The following BCAS3 variants were observed in gnomAD, a reference collection of about 807,000 sequenced individuals.
The protein encoded by BCAS3 is BCAS4/BCAS3 fusion.
In BCAS3, 53 loss-of-function variants were observed where a neutral mutation model predicts 116.1. The observed-to-expected ratio is 0.46, with a 90% CI of 0.37 to 0.57. BCAS3 has a LOEUF of 0.57. Among genes scored for constraint, BCAS3 ranks in the 20% least tolerant of loss-of-function variants. The pLI is 0.00. For synonymous variants in BCAS3, 391 were observed against 408.2 expected (o/e 0.96, Z 0.51); for missense variants, 917 against 1,165.4 (o/e 0.79, Z 3.10).
At chr17:60,762,141 C>T (rs560372890) in intron 6 of BCAS3, among the ~76,000 whole-genome samples, 6 of 152,252 alleles carry the variant, frequency 3.9e-5, no homozygotes, top group African/African-American at 1.4e-4. Context: ...TTCTCCCATT[C>T]TGTAGGTTGC....
chr17:60,769,138 G>C (rs1308548410), intron 6 of BCAS3, among the ~76,000 whole-genome samples: 1 of 152,206 alleles, frequency 6.6e-6, no homozygotes, highest in African/African-American at 2.4e-5. Flanking sequence ...CAAGTCCGTG[G>C]ATGACATGCT....
rs1198303999 is a variant in BCAS3, at chr17:61,051,744, C to T, written c.2029+10852C>T. ...TCCTGAGTACCTGGGACTATAGGCT[C>T]GCACCATCATGCCTGGCTAATTCAA... On this transcript the variant is annotated intron_variant, in intron 19 of 23. Transcript: ENST00000407086. This position sits in a 1 kb window ranked among gnomAD's most constrained non-coding sequence, Gnocchi z 4.1. Among the ~76,000 whole-genome samples the T allele has an allele frequency of 1.3e-5, 2 of 151,978 alleles. No individual in the cohort carries two copies. Among genetic ancestry groups the T allele is most frequent in the Non-Finnish European group, 1.5e-5 (1 of 67,948 alleles).
intron 4 of BCAS3, among the ~76,000 whole-genome samples, chr17:60,693,515 A>G (rs182651466): frequency 1.3e-5 from 2 of 151,374 alleles, no homozygotes; most frequent in African/African-American, 4.9e-5. Flanking sequence ...TCTGGGCTCA[A>G]GCAATCCTCC....
intron 19 of BCAS3, among the ~76,000 whole-genome samples, chr17:61,058,987 T>C (rs1333075845): frequency 6.6e-6 from 1 of 151,580 alleles, no homozygotes; most frequent in Non-Finnish European, 1.5e-5. Flanking sequence ...AGTCCTGAAT[T>C]TGAACTCTGT....
chr17:60,919,804 A>G (rs897709026), intron 12 of BCAS3, among the ~76,000 whole-genome samples: 2 of 152,160 alleles, frequency 1.3e-5, no homozygotes, highest in African/African-American at 2.4e-5. Context: ...AATTTAATCA[A>G]TATTAACCTG....
chr17:61,044,465 A>AAATATATATATATATATAT, intron 19 of BCAS3, among the ~76,000 whole-genome samples: 1 of 120,126 alleles, frequency 8.3e-6, no homozygotes, highest in African/African-American at 5.0e-5. Context: ...AAAAAAAAAA[A>AAATATATATATATATATAT]ATATATATAT....
chr17:60,753,670 A>T (rs1357848238), intron 6 of BCAS3, among the ~76,000 whole-genome samples: 2 of 151,970 alleles, frequency 1.3e-5, no homozygotes. Context: ...CGGCCTCCCA[A>T]AGTGCTGGGA....
rs1274238863 is a variant in BCAS3, at chr17:61,305,720, AC to A, written c.2426-62603del. On this transcript the variant is annotated intron_variant, in intron 22 of 23. Transcript: ENST00000407086. ...AGAGCAGCCTGGGCAACATGGTGAAACCCCGTCTCTACTAAAAATACAAAAA... is the reference window on the plus strand; with the variant it reads ...AGAGCAGCCTGGGCAACATGGTGAAACCCGTCTCTACTAAAAATACAAAAA... Among the ~76,000 whole-genome samples the A allele has an allele frequency of 4.6e-5, 7 of 152,046 alleles. No individual in the cohort carries two copies. In the East Asian group the frequency reaches 1.4e-3, roughly 29 times the overall value.
At chr17:60,909,905 C>T (rs1357274300) in intron 11 of BCAS3, among the ~76,000 whole-genome samples, 5 of 152,030 alleles carry the variant, frequency 3.3e-5, no homozygotes, top group Non-Finnish European at 7.4e-5. Context: ...TTTTCTGTTA[C>T]CAGATAGAAA....
At chr17:61,263,869 T>C (rs2049436384) in intron 22 of BCAS3, among the ~76,000 whole-genome samples, 1 of 152,254 alleles carries the variant, frequency 6.6e-6, no homozygotes, top group African/African-American at 2.4e-5. Flanking sequence ...TAAATTGTGC[T>C]GCGACAAATG....
chr17:61,225,712 G>A (rs2082336233), intron 22 of BCAS3, among the ~76,000 whole-genome samples: 1 of 152,154 alleles, frequency 6.6e-6, no homozygotes, highest in South Asian at 2.1e-4. Flanking sequence ...AGAAGCAGTA[G>A]TAAGCCCAGG....
At chr17:61,254,190 T>C (rs2048587214) in intron 22 of BCAS3, among the ~76,000 whole-genome samples, 1 of 152,188 alleles carries the variant, frequency 6.6e-6, no homozygotes, top group African/African-American at 2.4e-5. Context: ...GTTTGTTTTT[T>C]ATTTAAAACC....
At chr17:61,202,778 CTTG>C (rs2080914904) in intron 22 of BCAS3, among the ~76,000 whole-genome samples, 1 of 152,116 alleles carries the variant, frequency 6.6e-6, no homozygotes, top group Non-Finnish European at 1.5e-5. Flanking sequence ...AAAAGCATGT[CTTG>C]TTGTTCTCAG....
At chr17:61,042,891 C>CAAAAAAAAAAAAAAAAAAAAAAAAAAAA (rs35629825) in intron 19 of BCAS3, among the ~76,000 whole-genome samples, 1 of 58,318 alleles carries the variant, frequency 1.7e-5, no homozygotes, top group African/African-American at 5.5e-5. Context: ...CTCCATCTCA[C>CAAAAAAAAAAAAAAAAAAAAAAAAAAAA]AAAAAAAAAA....
At chr17:61,022,443 A>G (rs910897758) in intron 16 of BCAS3, among the ~76,000 whole-genome samples, 11 of 151,940 alleles carry the variant, frequency 7.2e-5, no homozygotes, top group African/African-American at 2.7e-4. Context: ...ATGGGGTTTC[A>G]CTGTGTTAGC....
intron 14 of BCAS3, among the ~76,000 whole-genome samples, chr17:60,969,606 G>C (rs2061844046): frequency 6.6e-6 from 1 of 151,984 alleles, no homozygotes; most frequent in African/African-American, 2.4e-5. Flanking sequence ...AGGAGAGTAA[G>C]GGAGGAAAAA....
Position 60,758,690 on chromosome 17 carries a change from A to G in BCAS3, c.403+11411A>G, listed in dbSNP as rs114528924. Among the ~76,000 whole-genome samples the G allele has an allele frequency of 7.3e-3, 1,108 of 151,898 alleles. 7 individuals carry two copies. Among genetic ancestry groups the G allele is most frequent in the African/African-American group, 0.026 (1,058 of 41,406 alleles). On this transcript the variant is annotated intron_variant, in intron 6 of 23. Transcript: ENST00000407086. ...AGCCACCGCACCCGGCCGCTTTTCTAGTTTCTTGAGGTGTGTCATTAGGTT... is the reference window on the plus strand; with the variant it reads ...AGCCACCGCACCCGGCCGCTTTTCTGGTTTCTTGAGGTGTGTCATTAGGTT...
chr17:61,330,982 T>A (rs1350235028), intron 22 of BCAS3, among the ~76,000 whole-genome samples: 1 of 152,232 alleles, frequency 6.6e-6, no homozygotes, highest in Non-Finnish European at 1.5e-5. Context: ...CTCTGGGCGG[T>A]GAGTGTGCAC....
Position 61,083,167 on chromosome 17 carries a change from A to G in BCAS3, c.2328-1300A>G. Among the ~76,000 whole-genome samples, 1 of 152,186 alleles carries G rather than the reference A, an allele frequency of 6.6e-6. No individual in the cohort carries two copies. ...TTCATTATGCGTATATACTATTACT[A>G]TATACAGACCTAATCCCTGTTCCAG... On this transcript the variant is annotated intron_variant, in intron 21 of 23. Coordinates refer to ENST00000407086, the MANE Select transcript of BCAS3 (RefSeq NM_017679.5). The surrounding 1 kb of genome is among the most constrained non-coding windows in gnomAD (Gnocchi z 4.9).
Sources: allele counts gnomAD v4.1 joint callset (sites outside exome capture counted in the v4.1 genomes callset), GRCh38; gene constraint gnomAD v4.1.1; non-coding constraint Gnocchi (gnomAD v3.1); transcripts MANE v1.5; gene names NCBI Gene and HGNC (gene_info 2026-07-23, HGNC 2026-07-21).